ERAP1: variants seen among roughly 807,000 people sequenced by gnomAD.
The protein encoded by ERAP1 is adipocyte-derived leucine aminopeptidase.
In ERAP1, 86 loss-of-function variants were observed where a neutral mutation model predicts 103.7. That is an observed-to-expected ratio of 0.83 (90% confidence interval 0.70 to 0.99). The LOEUF is 0.99. Among genes scored for constraint, ERAP1 ranks in the 50% least tolerant of loss-of-function variants. The pLI is 0.00. For missense variants in ERAP1, 1,009 were observed against 1,128.4 expected (o/e 0.89, Z 1.52); for synonymous variants, 398 against 402.4 (o/e 0.99, Z 0.13).
the ERAP1 span, chr5:96,879,779 A>T: frequency 6.2e-7 from 1 of 1,614,202 alleles, no homozygotes; most frequent in African/African-American, 1.3e-5. Context: ...CTTGCCCCAA[A>T]TATGCATTTG....
At chr5:96,854,708 C>G in the ERAP1 span, among the ~76,000 whole-genome samples, 1 of 152,270 alleles carries the variant, frequency 6.6e-6, no homozygotes, top group Admixed American at 6.5e-5. Context: ...TATTATGGTT[C>G]AATTTCCATG....
At chr5:96,846,816 G>C in the ERAP1 span, among the ~76,000 whole-genome samples, 1 of 151,818 alleles carries the variant, frequency 6.6e-6, no homozygotes, top group Non-Finnish European at 1.5e-5. Context: ...TGATTTCTCT[G>C]AAGAGTGCTG....
At chr5:96,891,533 T>TAC in the ERAP1 span, among the ~76,000 whole-genome samples, 1,306 of 85,900 alleles carry the variant, frequency 0.015, 38 homozygotes, top group East Asian at 0.096. Flanking sequence ...ATACGGTATA[T>TAC]ATACACACAC....
rs27582 is a variant in ERAP1 at position 96,762,510 on chromosome 5, G to A, written c.*690C>T. ...AGGCACCTTCTATTTCAGAAGAGCCGAGACTGATGATTTAGCGAGATGGCA... is the reference window on the plus strand; with the variant it reads ...AGGCACCTTCTATTTCAGAAGAGCCAAGACTGATGATTTAGCGAGATGGCA... On this transcript the variant is annotated 3_prime_UTR_variant, in exon 20 of 20. Coordinates refer to the ERAP1 transcript ENST00000296754. The A allele has an allele frequency of 0.36, 202,657 of 558,992 alleles. 38,508 individuals carry two copies. Among genetic ancestry groups the A allele is most frequent in the East Asian group, 0.58 (19,541 of 33,482 alleles). The allele number at this position is 558,992 out of a possible 1,614,324, so 34.6% of individuals were successfully genotyped here.
chr5:96,836,457 C>T, the ERAP1 span, among the ~76,000 whole-genome samples: 2 of 152,194 alleles, frequency 1.3e-5, no homozygotes, highest in Admixed American at 6.5e-5. Context: ...CCACTTCAGC[C>T]TCCCAAAGTG....
At chr5:96,806,983 TTTG>T (rs1194283741) in intron 1 of ERAP1, among the ~76,000 whole-genome samples, 2 of 21,830 alleles carry the variant, frequency 9.2e-5, no homozygotes, top group Admixed American at 3.7e-4. Context: ...TTTGTTTTGT[TTTG>T]TTGTTTTGTT....
the ERAP1 span, among the ~76,000 whole-genome samples, chr5:96,851,247 G>C: frequency 1.3e-5 from 2 of 152,078 alleles, no homozygotes; most frequent in African/African-American, 4.8e-5. Flanking sequence ...AATTTTCTAG[G>C]CAATAATTCT....
chr5:96,903,766 A>T, the ERAP1 span, among the ~76,000 whole-genome samples: 1 of 152,226 alleles, frequency 6.6e-6, no homozygotes, highest in Non-Finnish European at 1.5e-5. Flanking sequence ...ATATTTTAAA[A>T]TGTGGAGAAC....
chr5:96,802,963 G>A (rs888313566), intron 2 of ERAP1, among the ~76,000 whole-genome samples: 2 of 152,062 alleles, frequency 1.3e-5, no homozygotes, highest in African/African-American at 4.8e-5. Context: ...TATAAGGAAG[G>A]ATTCTACCCA....
chr5:96,919,935 T>A, the ERAP1 span, among the ~76,000 whole-genome samples: 1 of 152,226 alleles, frequency 6.6e-6, no homozygotes, highest in Admixed American at 6.5e-5. Context: ...TTCCAGCAAC[T>A]CACTCATAAT....
At chr5:96,802,874 C>A (rs1778149259) in intron 2 of ERAP1, among the ~76,000 whole-genome samples, 1 of 151,914 alleles carries the variant, frequency 6.6e-6, no homozygotes. Flanking sequence ...ATGCGACTAA[C>A]AGAGGGAGAA....
At chr5:96,866,568 T>C in the ERAP1 span, among the ~76,000 whole-genome samples, 3 of 152,240 alleles carry the variant, frequency 2.0e-5, no homozygotes, top group Admixed American at 6.5e-5. Flanking sequence ...GTTGTTTTTC[T>C]GGGTGCAGTT....
downstream of ERAP1, chr5:96,772,997 T>G (rs17086689): frequency 6.5e-6 from 1 of 153,986 alleles, no homozygotes; most frequent in Non-Finnish European, 1.5e-5. Context: ...CTCATTTGTA[T>G]TTTCAGTTTG....
chr5:96,801,715 G>A (rs994918126), intron 2 of ERAP1, among the ~76,000 whole-genome samples: 2 of 151,686 alleles, frequency 1.3e-5, no homozygotes, highest in Admixed American at 6.6e-5. Context: ...AGCTGGGTGT[G>A]GTGGTGCGCG....
At chr5:96,831,737 T>G in the ERAP1 span, among the ~76,000 whole-genome samples, 1 of 152,226 alleles carries the variant, frequency 6.6e-6, no homozygotes, top group Non-Finnish European at 1.5e-5. Context: ...TATTTCTTCC[T>G]GCAGAATCCA....
chr5:96,775,943 G>C lies in ERAP1; in HGVS notation c.*453C>G. ...AGGAAGAGGGATGGGCAGCGGGTCTGGAGGGGTGAGCCGGGAGAGCTTTAA... is the reference window on the plus strand; with the variant it reads ...AGGAAGAGGGATGGGCAGCGGGTCTCGAGGGGTGAGCCGGGAGAGCTTTAA... On this transcript the variant is annotated 3_prime_UTR_variant, in exon 19 of 19. Transcript: ENST00000443439. The C allele has an allele frequency of 1.9e-6, 2 of 1,040,550 alleles. No homozygotes were observed. The highest frequency in any genetic ancestry group is 2.3e-6 in the Non-Finnish European group (2 of 860,802). The allele number at this position is 1,040,550 out of a possible 1,614,324, so 64.5% of individuals were successfully genotyped here.
Position 96,800,738 on chromosome 5 carries a change from T to C in ERAP1, c.663+124A>G, listed in dbSNP as rs975556765. The C allele has an allele frequency of 1.3e-5, 13 of 1,023,512 alleles. No individual in the cohort carries two copies. In the African/African-American group the frequency reaches 2.1e-4, roughly 16 times the overall value. 63.4% of individuals were successfully genotyped at this position (1,023,512 alleles called of 1,614,324 possible). On this transcript the variant is annotated intron_variant, in intron 3 of 18. Transcript: ENST00000443439. ...AAAGCATAGGTTATAAATGAAAAGT[T>C]AGTAACGATCTGCCAGGCAATAAAA...
At chr5:96,891,483 A>G in the ERAP1 span, among the ~76,000 whole-genome samples, 73,194 of 137,858 alleles carry the variant, frequency 0.53, 19,186 homozygotes, top group Middle Eastern at 0.61. Context: ...ATATATATAT[A>G]TGTGTGTGTG....
chr5:96,841,295 A>G, the ERAP1 span, among the ~76,000 whole-genome samples: 1 of 152,206 alleles, frequency 6.6e-6, no homozygotes, highest in East Asian at 1.9e-4. Context: ...GTATCTGTAT[A>G]TTATAACCCT....
Sources: allele counts gnomAD v4.1 joint callset (sites outside exome capture counted in the v4.1 genomes callset), GRCh38; gene constraint gnomAD v4.1.1; transcripts MANE v1.5; gene names NCBI Gene and HGNC (gene_info 2026-07-23, HGNC 2026-07-21).